DNAJC10: variants seen among roughly 807,000 people sequenced by gnomAD.
DNAJC10 encodes the protein DnaJ heat shock protein family (Hsp40) member C10, also known as endoplasmic reticulum disulfide reductase DNAJC10.
In DNAJC10, 101 loss-of-function variants were observed where a neutral mutation model predicts 115.0. The observed-to-expected ratio is 0.88, with a 90% confidence interval of 0.75 to 1.04. The LOEUF (loss-of-function observed/expected upper bound fraction) is 1.04. Among genes scored for constraint, DNAJC10 ranks in the 50% least tolerant of loss-of-function variants. DNAJC10 has a pLI of 0.00. For synonymous variants in DNAJC10, 307 were observed against 301.5 expected (o/e 1.02, Z -0.19); for missense variants, 981 against 928.8 (o/e 1.06, Z -0.73).
intron 22 of DNAJC10, among the ~76,000 whole-genome samples, chr2:182,763,465 G>T (rs1404465626): frequency 6.6e-6 from 1 of 152,088 alleles, no homozygotes; most frequent in African/African-American, 2.4e-5. Context: ...CATCCGCACA[G>T]TATTTATTGA....
chr2:182,740,181 T>G, intron 11 of DNAJC10, 118 bp from the exon 12 acceptor site: 1 of 1,173,976 alleles, frequency 8.5e-7, no homozygotes, highest in Non-Finnish European at 1.1e-6. Context: ...TTTGAAAAAC[T>G]ATTTACCTTC....
intron 9 of DNAJC10, among the ~76,000 whole-genome samples, chr2:182,732,166 A>G (rs1574925366): frequency 6.6e-6 from 1 of 151,954 alleles, no homozygotes; most frequent in South Asian, 2.1e-4. Context: ...TTTCCCCCCA[A>G]TTTTGAGATC....
Position 182,794,104 on chromosome 2 carries a change from A to G in DNAJC10, c.*16972A>G, listed in dbSNP as rs990100870. The G allele has an allele frequency of 6.6e-6, 1 of 152,212 alleles. No homozygotes were observed. Among genetic ancestry groups the G allele is most frequent in the Non-Finnish European group, 1.5e-5 (1 of 68,076 alleles). The allele number at this position is 152,212 out of a possible 1,614,324, so 9.4% of individuals were successfully genotyped here. A position where few individuals can be genotyped will look rare whatever the true frequency, so the allele number is the denominator to read the frequency against. ...ATGCATGGGGATCCAAGAAACAGTG[A>G]CTCCAACCCAAGAGAGCAGTGAACA... On this transcript the variant is annotated 3_prime_UTR_variant, in exon 24 of 24. Coordinates refer to ENST00000264065, the MANE Select transcript of DNAJC10 (RefSeq NM_018981.4).
chr2:182,774,874 C>G (rs1694663475), intron 22 of DNAJC10, among the ~76,000 whole-genome samples: 1 of 152,248 alleles, frequency 6.6e-6, no homozygotes, highest in Admixed American at 6.5e-5. Flanking sequence ...CACCCACTGT[C>G]CAACCAGTCC....
chr2:182,772,994 AGTTTAGT>A, intron 22 of DNAJC10, among the ~76,000 whole-genome samples: 1 of 152,196 alleles, frequency 6.6e-6, no homozygotes, highest in South Asian at 2.1e-4. Flanking sequence ...TTTCTTCCCA[AGTTTAGT>A]GCTTCCTTCA....
rs1694831172 is a variant in DNAJC10 at position 182,780,968 on chromosome 2, CTGT to C, written c.*3838_*3840del. On this transcript the variant is annotated 3_prime_UTR_variant, in exon 24 of 24. Transcript: ENST00000264065. The stretch of plus-strand genomic sequence containing the variant: ...ATAGACAATCTTCATTAAGCAACTG[CTGT>C]TTTTTTTTTTTAATACTTCAAGTTC... The C allele has an allele frequency of 2.5e-5, 2 of 81,354 alleles. No homozygotes were observed. The highest frequency in any genetic ancestry group is 1.0e-4 in the Admixed American group (1 of 9,812). The allele number at this position is 81,354 out of a possible 1,614,324, so 5.0% of individuals were successfully genotyped here. A position where few individuals can be genotyped will look rare whatever the true frequency, so the allele number is the denominator to read the frequency against.
rs1003598430 is a variant in DNAJC10 at position 182,784,722 on chromosome 2, T to G, written c.*7590T>G. ...AACCCTTTTAGATGTTAGTAACTTT[T>G]ATTGTAAAATTTAAGGTAGCTCTAC... On this transcript the variant is annotated 3_prime_UTR_variant, in exon 24 of 24. Coordinates refer to ENST00000264065, the MANE Select transcript of DNAJC10 (RefSeq NM_018981.4). 2.0e-5 allele frequency: 3 copies of G among 152,198 alleles called. No homozygotes were observed. The highest frequency in any genetic ancestry group is 1.3e-4 in the Admixed American group (2 of 15,268). 9.4% of individuals were successfully genotyped at this position (152,198 alleles called of 1,614,324 possible).
intron 22 of DNAJC10, among the ~76,000 whole-genome samples, chr2:182,769,339 C>G (rs1559026103): frequency 2.0e-5 from 3 of 152,156 alleles, no homozygotes; most frequent in South Asian, 2.1e-4. Context: ...GGGTCTATAC[C>G]CAGTAGTGGG....
chr2:182,725,708 A>G (rs762801486), intron 5 of DNAJC10, among the ~76,000 whole-genome samples: 23 of 152,236 alleles, frequency 1.5e-4, no homozygotes, highest in Non-Finnish European at 2.9e-4. Flanking sequence ...GAAAACAGCC[A>G]TCTCCATAAC....
intron 14 of DNAJC10, among the ~76,000 whole-genome samples, chr2:182,744,922 C>A (rs531004797): frequency 6.6e-6 from 1 of 152,220 alleles, no homozygotes; most frequent in South Asian, 2.1e-4. Flanking sequence ...TCAGACCCCC[C>A]CTCTTCTCTT....
In DNAJC10 at chr2:182,784,216, C is replaced by T. The variant is rs1264908002; in HGVS notation, c.*7084C>T. On this transcript the variant is annotated 3_prime_UTR_variant, in exon 24 of 24. Coordinates refer to ENST00000264065, the MANE Select transcript of DNAJC10 (RefSeq NM_018981.4). ...GAGGTGTGTGCCTGTAATCATCTACCCTGGAGGCTGAGACAGGAGAATTGC... is the reference window on the plus strand; with the variant it reads ...GAGGTGTGTGCCTGTAATCATCTACTCTGGAGGCTGAGACAGGAGAATTGC... 1 of 151,818 alleles carries T rather than the reference C, an allele frequency of 6.6e-6. No homozygotes were observed. The highest frequency in any genetic ancestry group is 1.5e-5 in the Non-Finnish European group (1 of 67,966). 9.4% of individuals were successfully genotyped at this position (151,818 alleles called of 1,614,324 possible).
In DNAJC10 at chr2:182,786,789, A is replaced by G. The variant is rs533269752; in HGVS notation, c.*9657A>G. 6.6e-6 allele frequency: 1 copy of G among 152,332 alleles called. No individual in the cohort carries two copies. Among genetic ancestry groups the G allele is most frequent in the African/African-American group, 2.4e-5 (1 of 41,570 alleles). The allele number at this position is 152,332 out of a possible 1,614,324, so 9.4% of individuals were successfully genotyped here. On this transcript the variant is annotated 3_prime_UTR_variant, in exon 24 of 24. Coordinates refer to ENST00000264065, the MANE Select transcript of DNAJC10 (RefSeq NM_018981.4). ...TTTAGAGATTATTACTATGGTCCGAATGTTTATATCCCCTCCTGCTCTCCC... is the reference window on the plus strand; with the variant it reads ...TTTAGAGATTATTACTATGGTCCGAGTGTTTATATCCCCTCCTGCTCTCCC...
intron 11 of DNAJC10, among the ~76,000 whole-genome samples, chr2:182,736,719 G>C (rs1277948204): frequency 1.3e-5 from 2 of 152,064 alleles, no homozygotes; most frequent in Non-Finnish European, 2.9e-5. Flanking sequence ...AGCATTTATA[G>C]CATGAGTTTT....
intron 12 of DNAJC10, among the ~76,000 whole-genome samples, chr2:182,740,962 A>G (rs747141796): frequency 1.3e-5 from 2 of 152,072 alleles, no homozygotes; most frequent in African/African-American, 2.4e-5. Flanking sequence ...TTGCCACCCA[A>G]CTTTTTAGCT....
chr2:182,732,478 A>G lies in DNAJC10; in HGVS notation c.806-21A>G, dbSNP rs776012108. On this transcript the variant is annotated intron_variant, in intron 9 of 23. Coordinates refer to ENST00000264065, the MANE Select transcript of DNAJC10 (RefSeq NM_018981.4). ...GGCTTAATAAAGGTAAAACTGCCTC[A>G]TAAGGTTTTTTTGTCCCCAGATTGT... 3 of 1,613,354 alleles carry G rather than the reference A, an allele frequency of 1.9e-6. No individual in the cohort carries two copies. The South Asian group carries it at 3.3e-5, about 18-fold the overall frequency.
At chr2:182,719,799 T>C (rs1558994470) in intron 3 of DNAJC10, among the ~76,000 whole-genome samples, 4 of 20,458 alleles carry the variant, frequency 2.0e-4, no homozygotes, top group Admixed American at 1.4e-3. Context: ...CTTTTCTTAC[T>C]TTTTTTTTTT....
intron 5 of DNAJC10, among the ~76,000 whole-genome samples, chr2:182,723,516 A>T (rs1018412186): frequency 1.3e-5 from 2 of 152,184 alleles, no homozygotes; most frequent in African/African-American, 4.8e-5. Flanking sequence ...AATTTGATTC[A>T]TTTGGATTGT....
chr2:182,787,018 A>T lies in DNAJC10; in HGVS notation c.*9886A>T, dbSNP rs1038899825. 1 of 152,348 alleles carries T rather than the reference A, an allele frequency of 6.6e-6. No homozygotes were observed. The highest frequency in any genetic ancestry group is 2.4e-5 in the African/African-American group (1 of 41,418). The allele number at this position is 152,348 out of a possible 1,614,324, so 9.4% of individuals were successfully genotyped here. Reference sequence around the variant, plus strand: ...CTGTAAACCAACAAACAAGGCCCTCACCAGGCACTCAATCTGCCAGCACTT... The same window carrying T: ...CTGTAAACCAACAAACAAGGCCCTCTCCAGGCACTCAATCTGCCAGCACTT... On this transcript the variant is annotated 3_prime_UTR_variant, in exon 24 of 24. Transcript: ENST00000264065.
chr2:182,732,619 T>C, intron 10 of DNAJC10, 77 bp downstream of exon 10: 1 of 1,404,336 alleles, frequency 7.1e-7, no homozygotes, highest in Middle Eastern at 1.8e-4. Context: ...AACATTTTCT[T>C]CCCTTATTTC....
Sources: gnomAD v4.1 joint callset for allele counts (sites outside exome capture counted in the v4.1 genomes callset) on GRCh38, gnomAD v4.1.1 for gene constraint, MANE v1.5 for transcripts, NCBI Gene and HGNC (gene_info 2026-07-23, HGNC 2026-07-21) for gene names.